Variants in NUDT9 observed in about 807,000 individuals in gnomAD.
NUDT9 encodes the protein ADP-ribose pyrophosphatase.
In NUDT9, 31 loss-of-function variants were observed where a neutral mutation model predicts 41.0. The ratio of observed to expected loss-of-function variants is 0.76; its 90% CI spans 0.57 to 1.02. NUDT9 has a LOEUF of 1.02. Among genes scored for constraint, NUDT9 ranks in the 50% least tolerant of loss-of-function variants. NUDT9 has a pLI of 0.00. For synonymous variants in NUDT9, 146 were observed against 147.6 expected (o/e 0.99, Z 0.08); for missense variants, 380 against 431.4 (o/e 0.88, Z 1.06).
At chr4:87,430,964 T>A (rs1224687973) in intron 1 of NUDT9, among the ~76,000 whole-genome samples, 1 of 152,230 alleles carries the variant, frequency 6.6e-6, no homozygotes, top group East Asian at 1.9e-4. Context: ...TTACCAATTT[T>A]TTCTCTTGTT....
At chr4:87,430,285 G>A (rs1721626230) in intron 1 of NUDT9, among the ~76,000 whole-genome samples, 1 of 152,188 alleles carries the variant, frequency 6.6e-6, no homozygotes. Flanking sequence ...CAGCCCTGCT[G>A]ATAAATTGTC....
chr4:87,436,246 C>A (rs1370198525), intron 2 of NUDT9, among the ~76,000 whole-genome samples: 1 of 152,210 alleles, frequency 6.6e-6, no homozygotes, highest in African/African-American at 2.4e-5. Context: ...AGTCACCACA[C>A]TGTGCATTAG....
chr4:87,430,452 T>C (rs10030035), intron 1 of NUDT9, among the ~76,000 whole-genome samples: 24,616 of 152,252 alleles, frequency 0.16, 2,084 homozygotes, highest in East Asian at 0.23. Context: ...TTATTTATTT[T>C]TTATGTCATT....
At chr4:87,446,979 G>T (rs922260500) in intron 4 of NUDT9, among the ~76,000 whole-genome samples, 17 of 152,162 alleles carry the variant, frequency 1.1e-4, no homozygotes, top group African/African-American at 3.9e-4. Context: ...GTCAAAGTGA[G>T]TGAGCTTTCT....
intron 1 of NUDT9, among the ~76,000 whole-genome samples, chr4:87,425,681 C>T (rs537122524): frequency 9.5e-5 from 14 of 147,868 alleles, no homozygotes; most frequent in South Asian, 2.2e-4. Context: ...CAGGTGTGAG[C>T]CCCCACGCCT....
At chr4:87,436,807 A>G (rs1363798731) in intron 2 of NUDT9, among the ~76,000 whole-genome samples, 1 of 152,206 alleles carries the variant, frequency 6.6e-6, no homozygotes, top group Admixed American at 6.5e-5. Flanking sequence ...TGCTCACTCA[A>G]TGGAATTAAA....
chr4:87,435,439 TC>T (rs1560790574), intron 2 of NUDT9, among the ~76,000 whole-genome samples: 1 of 152,240 alleles, frequency 6.6e-6, no homozygotes, highest in Non-Finnish European at 1.5e-5. Context: ...AATAGTTAAA[TC>T]TGTTTTGATT....
At chr4:87,446,990 A>C (rs183297730) in intron 4 of NUDT9, among the ~76,000 whole-genome samples, 2 of 152,238 alleles carry the variant, frequency 1.3e-5, no homozygotes, top group African/African-American at 4.8e-5. Flanking sequence ...TGAGCTTTCT[A>C]AAATACAAAC....
chr4:87,429,439 C>T (rs1578065611), intron 1 of NUDT9, among the ~76,000 whole-genome samples: 1 of 118,786 alleles, frequency 8.4e-6, no homozygotes, highest in Non-Finnish European at 1.9e-5. Flanking sequence ...CAGACGTGAG[C>T]CACTGTGCCC....
In NUDT9 at chr4:87,438,264, A is replaced by G. The variant is rs1427556398; in HGVS notation, c.348-13A>G. 7.0e-7 allele frequency: 1 copy of G among 1,423,568 alleles called. No individual in the cohort carries two copies. The highest frequency in any genetic ancestry group is 1.2e-5 in the South Asian group (1 of 86,726). The allele number at this position is 1,423,568 out of a possible 1,614,324, so 88.2% of individuals were successfully genotyped here. A position where few individuals can be genotyped will look rare whatever the true frequency, so the allele number is the denominator to read the frequency against. ...TCATTATTTCTTATTTTACATTGGTATTCTCATTACAGTGAAAGTAATTTT... is the reference window on the plus strand; with the variant it reads ...TCATTATTTCTTATTTTACATTGGTGTTCTCATTACAGTGAAAGTAATTTT... On this transcript the variant is annotated splice_polypyrimidine_tract_variant and intron_variant, in intron 2 of 7. Transcript: ENST00000302174.
intron 3 of NUDT9, among the ~76,000 whole-genome samples, chr4:87,441,366 A>G (rs1270518328): frequency 2.0e-5 from 3 of 152,246 alleles, no homozygotes; most frequent in Non-Finnish European, 2.9e-5. Context: ...CATATGCTAC[A>G]AATATATATT....
Position 87,458,143 on chromosome 4 carries a change from C to A in NUDT9, c.*122C>A. On this transcript the variant is annotated 3_prime_UTR_variant, in exon 8 of 8. Transcript: ENST00000302174. The stretch of plus-strand genomic sequence containing the variant: ...CCACTTGGCCTATTTACTTTCAAAA[C>A]AATTTGCATTTAGAGTGTTTCGCAT... The A allele has an allele frequency of 1.2e-6, 1 of 819,346 alleles. No individual in the cohort carries two copies. The highest frequency in any genetic ancestry group is 1.7e-6 in the Non-Finnish European group (1 of 588,966). 50.8% of individuals were successfully genotyped at this position (819,346 alleles called of 1,614,324 possible). A position where few individuals can be genotyped will look rare whatever the true frequency, so the allele number is the denominator to read the frequency against.
At chr4:87,424,260 T>A (rs1343160260) in intron 1 of NUDT9, among the ~76,000 whole-genome samples, 2 of 77,170 alleles carry the variant, frequency 2.6e-5, no homozygotes, top group African/African-American at 7.0e-5. Context: ...ATGCGTTTTT[T>A]TTTTTTTTTT....
chr4:87,444,318 C>T (rs1722351249), intron 4 of NUDT9, among the ~76,000 whole-genome samples: 1 of 151,798 alleles, frequency 6.6e-6, no homozygotes, highest in Non-Finnish European at 1.5e-5. Context: ...TTTCAAGTTA[C>T]TGGAAGAGGC....
chr4:87,434,080 A>T (rs936124753), intron 1 of NUDT9: 1 of 152,118 alleles, frequency 6.6e-6, no homozygotes, highest in Non-Finnish European at 1.5e-5. Context: ...TTTGAGATGG[A>T]GTCTCGCTCT....
intron 2 of NUDT9, among the ~76,000 whole-genome samples, chr4:87,437,620 G>C (rs1245816389): frequency 6.6e-6 from 1 of 152,088 alleles, no homozygotes; most frequent in Non-Finnish European, 1.5e-5. Context: ...GGGATTACAG[G>C]CGTGAGCCAC....
At chr4:87,440,692 G>A (rs564144574) in intron 3 of NUDT9, among the ~76,000 whole-genome samples, 33 of 152,058 alleles carry the variant, frequency 2.2e-4, no homozygotes, top group South Asian at 6.2e-4. Flanking sequence ...CTAAAAATGC[G>A]AAAATTAGCT....
At chr4:87,435,814 A>G (rs1721905510) in intron 2 of NUDT9, among the ~76,000 whole-genome samples, 1 of 152,136 alleles carries the variant, frequency 6.6e-6, no homozygotes, top group South Asian at 2.1e-4. Context: ...TTGATATATG[A>G]TTGACAAGTA....
At chr4:87,450,588 AG>A (rs1325698765) in intron 5 of NUDT9, among the ~76,000 whole-genome samples, 2 of 151,808 alleles carry the variant, frequency 1.3e-5, no homozygotes, top group African/African-American at 4.8e-5. Flanking sequence ...CATCTTGGCC[AG>A]GCTGGTCTTG....
Sources: gnomAD v4.1 joint callset for allele counts (sites outside exome capture counted in the v4.1 genomes callset) on GRCh38, gnomAD v4.1.1 for gene constraint, MANE v1.5 for transcripts, NCBI Gene and HGNC (gene_info 2026-07-23, HGNC 2026-07-21) for gene names.